CAMSAP1: variants seen among roughly 807,000 people sequenced by gnomAD.
CAMSAP1 encodes the protein calmodulin-regulated spectrin-associated protein 1.
A neutral mutation model predicts 143.5 loss-of-function variants in CAMSAP1; 58 were observed. That is an observed-to-expected ratio of 0.40 (90% CI 0.33 to 0.50). The LOEUF (loss-of-function observed/expected upper bound fraction) is 0.50. CAMSAP1 is among the 20% of genes least tolerant of loss of function. The pLI is 0.45. For missense variants in CAMSAP1, 1,969 were observed against 2,115.7 expected, an observed-to-expected ratio of 0.93 and a Z score of 1.36; for synonymous variants, 945 against 859.3, an observed-to-expected ratio of 1.10 and a Z score of -1.74.
At chr9:135,866,684 A>T in intron 3 of CAMSAP1, 148 bp from the exon 4 acceptor site, 1 of 578,156 alleles carries the variant, frequency 1.7e-6, no homozygotes, top group African/African-American at 1.9e-5. Flanking sequence ...ACAGATACAG[A>T]AGTACACGGA....
intron 7 of CAMSAP1, among the ~76,000 whole-genome samples, chr9:135,844,003 T>C (rs1253378176): frequency 6.6e-6 from 1 of 151,236 alleles, no homozygotes. Context: ...CACACAATAA[T>C]AGTGGGAGAC....
intron 3 of CAMSAP1, among the ~76,000 whole-genome samples, chr9:135,870,560 G>A (rs1028587650): frequency 1.1e-4 from 17 of 152,106 alleles, no homozygotes; most frequent in African/African-American, 3.4e-4. Flanking sequence ...TTGGGAGCCC[G>A]AGGCAGATGG....
chr9:135,827,400 G>C lies in CAMSAP1; in HGVS notation c.1223+7C>G. On this transcript the variant is annotated splice_region_variant and intron_variant, in intron 8 of 16. Transcript: ENST00000389532. Reference sequence around the variant, plus strand: ...AACTGATTCTGAAAGCAGAAAGACAGACTTACAGGTATTCAGGTTCTTCCG... The same window carrying C: ...AACTGATTCTGAAAGCAGAAAGACACACTTACAGGTATTCAGGTTCTTCCG... 6.6e-7 allele frequency: 1 copy of C among 1,519,218 alleles called. No homozygotes were observed. Among genetic ancestry groups the C allele is most frequent in the Non-Finnish European group, 8.9e-7 (1 of 1,122,734 alleles). The allele number at this position is 1,519,218 out of a possible 1,614,324, so 94.1% of individuals were successfully genotyped here.
At chr9:135,889,779 G>C (rs1335531994) in intron 1 of CAMSAP1, among the ~76,000 whole-genome samples, 1 of 152,200 alleles carries the variant, frequency 6.6e-6, no homozygotes, top group Non-Finnish European at 1.5e-5. Context: ...TTAGAGTGGA[G>C]CACAAACTCT....
At chr9:135,877,514 G>GA (rs1191380611) in intron 3 of CAMSAP1, among the ~76,000 whole-genome samples, 1 of 136,326 alleles carries the variant, frequency 7.3e-6, no homozygotes, top group Non-Finnish European at 1.6e-5. Context: ...AAAAAAAAAA[G>GA]AAAAAAACAG....
At chr9:135,874,656 A>T (rs1352081114) in intron 3 of CAMSAP1, among the ~76,000 whole-genome samples, 2 of 152,162 alleles carry the variant, frequency 1.3e-5, no homozygotes, top group African/African-American at 4.8e-5. Context: ...CTGAGGTACT[A>T]AACAGTACAG....
intron 3 of CAMSAP1, among the ~76,000 whole-genome samples, chr9:135,868,039 TA>T (rs2130947974): frequency 6.6e-6 from 1 of 152,252 alleles, no homozygotes; most frequent in African/African-American, 2.4e-5. Flanking sequence ...AATGGAGCCA[TA>T]TTTTCACCTG....
intron 1 of CAMSAP1, among the ~76,000 whole-genome samples, chr9:135,892,688 T>TA (rs1288304557): frequency 2.6e-5 from 4 of 150,964 alleles, no homozygotes; most frequent in Admixed American, 2.6e-4. Flanking sequence ...CCGTCTCTAC[T>TA]AAAAACACAA....
At position 135,818,200 on chromosome 9, in the gene CAMSAP1, CCCCAT is replaced by C. The variant is rs1385332472; in HGVS notation, c.4169-126_4169-122del. 6.7e-6 allele frequency: 8 copies of C among 1,198,964 alleles called. No individual in the cohort carries two copies. The highest frequency in any genetic ancestry group is 8.2e-6 in the Non-Finnish European group (7 of 853,546). 74.3% of individuals were successfully genotyped at this position (1,198,964 alleles called of 1,614,324 possible). A position where few individuals can be genotyped will look rare whatever the true frequency, so the allele number is the denominator to read the frequency against. The stretch of plus-strand genomic sequence containing the variant: ...CTCGGCCACACAGGCCGCGTCCCCA[CCCCAT>C]CCCGGGGAGCCGGGCTGCGCCTGGA... On this transcript the variant is annotated intron_variant, in intron 13 of 16. Transcript: ENST00000389532. The surrounding 1 kb of genome is among the most constrained non-coding windows in gnomAD (Gnocchi z 7.7).
intron 8 of CAMSAP1, 151 bp downstream of exon 8, chr9:135,827,256 T>A: frequency 1.4e-6 from 1 of 730,566 alleles, no homozygotes; most frequent in South Asian, 3.2e-5. Context: ...GGGGACCGAA[T>A]GGCCAGAAGG....
chr9:135,856,204 T>C (rs1836964129), intron 5 of CAMSAP1, among the ~76,000 whole-genome samples: 1 of 152,184 alleles, frequency 6.6e-6, no homozygotes. Flanking sequence ...GAAAGCAGTT[T>C]ATTGGACTTA....
Position 135,818,988 on chromosome 9 carries a change from T to TCC in CAMSAP1, c.3959+20_3959+21dup, listed in dbSNP as rs550353201. The TCC allele has an allele frequency of 6.2e-7, 1 of 1,601,030 alleles. No individual in the cohort carries two copies. The highest frequency in any genetic ancestry group is 1.3e-5 in the African/African-American group (1 of 74,706). ...CACCAGGCTCCTGCTCAGTCTGCTT[T>TCC]CCCCCCCGGCGGGACGCTTACCGGG... On this transcript the variant is annotated intron_variant, in intron 12 of 16. Transcript: ENST00000389532. This position sits in a 1 kb window ranked among gnomAD's most constrained non-coding sequence, Gnocchi z 7.7.
chr9:135,907,199 A>C lies in CAMSAP1; in HGVS notation c.-40T>G. 4 of 1,044,356 alleles carry C rather than the reference A, an allele frequency of 3.8e-6. No individual in the cohort carries two copies. Among genetic ancestry groups the C allele is most frequent in the African/African-American group, 3.5e-5 (2 of 57,556 alleles). 64.7% of individuals were successfully genotyped at this position (1,044,356 alleles called of 1,614,324 possible). ...CTGAGGCGGCGGCCCGGCCGCAACA[A>C]AGGCGCCGCCGCCCCTCGCCGCGCC... On this transcript the variant is annotated 5_prime_UTR_variant, in exon 1 of 17. Coordinates refer to ENST00000389532, the MANE Select transcript of CAMSAP1 (RefSeq NM_015447.4).
intron 7 of CAMSAP1, among the ~76,000 whole-genome samples, chr9:135,848,542 C>T (rs181024604): frequency 9.8e-4 from 149 of 152,182 alleles, no homozygotes; most frequent in Admixed American, 1.8e-3. Context: ...TGCACACACA[C>T]GCATGCACAC....
At chr9:135,819,380 C>A (rs1835358352) in intron 11 of CAMSAP1, among the ~76,000 whole-genome samples, 1 of 152,188 alleles carries the variant, frequency 6.6e-6, no homozygotes, top group Non-Finnish European at 1.5e-5. Context: ...TCCAGTTTGC[C>A]TTAAAAAGTA....
At chr9:135,883,941 A>G (rs1400263891) in intron 1 of CAMSAP1, among the ~76,000 whole-genome samples, 2 of 152,180 alleles carry the variant, frequency 1.3e-5, no homozygotes, top group African/African-American at 4.8e-5. Flanking sequence ...AGCAGCATAC[A>G]CACGGGACAC....
At chr9:135,881,816 A>G in intron 2 of CAMSAP1, 22 bp from the exon 3 acceptor site, 1 of 1,551,050 alleles carries the variant, frequency 6.4e-7, no homozygotes, top group East Asian at 2.4e-5. Flanking sequence ...GGCAGCAGCT[A>G]TAATCCCTCA....
intron 16 of CAMSAP1, among the ~76,000 whole-genome samples, chr9:135,813,842 G>C (rs909245819): frequency 2.0e-5 from 3 of 152,246 alleles, no homozygotes; most frequent in Non-Finnish European, 4.4e-5. Flanking sequence ...CCCCCAAGGA[G>C]AGCTCAGGGC....
intron 7 of CAMSAP1, among the ~76,000 whole-genome samples, chr9:135,849,095 G>C (rs926441484): frequency 6.6e-6 from 1 of 152,198 alleles, no homozygotes; most frequent in African/African-American, 2.4e-5. Flanking sequence ...TAAACCCATC[G>C]TAAACTGAAA....
Sources: allele counts gnomAD v4.1 joint callset (sites outside exome capture counted in the v4.1 genomes callset), GRCh38; gene constraint gnomAD v4.1.1; non-coding constraint Gnocchi (gnomAD v3.1); transcripts MANE v1.5; gene names NCBI Gene and HGNC (gene_info 2026-07-23, HGNC 2026-07-21).